Variants in RRP1B observed in about 807,000 individuals in gnomAD.
The protein encoded by RRP1B is ribosomal RNA processing protein 1 homolog B.
RRP1B carries 56 observed loss-of-function variants against 80.2 expected under a neutral mutation model. That is an observed-to-expected ratio of 0.70 (90% CI 0.56 to 0.87). The LOEUF (loss-of-function observed/expected upper bound fraction) is 0.87. Among genes scored for constraint, RRP1B ranks in the 40% least tolerant of loss-of-function variants. RRP1B has a pLI of 0.00. For synonymous variants in RRP1B, 351 were observed against 357.6 expected, an observed-to-expected ratio of 0.98 and a Z score of 0.21; for missense variants, 807 against 939.8, an observed-to-expected ratio of 0.86 and a Z score of 1.85.
Position 43,659,580 on chromosome 21 carries a change from C to CG in RRP1B, c.-83dup. On this transcript the variant is annotated 5_prime_UTR_variant, in exon 1 of 16. Coordinates refer to ENST00000340648, the MANE Select transcript of RRP1B (RefSeq NM_015056.3). The surrounding 1 kb of genome is among the most constrained non-coding windows in gnomAD (Gnocchi z 4.2). The stretch of plus-strand genomic sequence containing the variant: ...GCCTTCTGTGCAGTCGCGGCCCGGG[C>CG]GGACGGTGGCTGGCTGCTCCGCAGC... 1 of 1,253,032 alleles carries CG rather than the reference C, an allele frequency of 8.0e-7. No individual in the cohort carries two copies. The highest frequency in any genetic ancestry group is 1.6e-5 in the African/African-American group (1 of 63,322). The allele number at this position is 1,253,032 out of a possible 1,614,324, so 77.6% of individuals were successfully genotyped here. A position where few individuals can be genotyped will look rare whatever the true frequency, so the allele number is the denominator to read the frequency against.
rs1337665045 is a variant in RRP1B at position 43,691,792 on chromosome 21, G to A, written c.2083+290G>A. On this transcript the variant is annotated intron_variant, in intron 15 of 15. Transcript: ENST00000340648. The surrounding 1 kb of genome is among the most constrained non-coding windows in gnomAD (Gnocchi z 4.2). ...GTAGCGGGTAGCTGGGATCACAGGT[G>A]CACGCCATCACATCCAGCTAATTTT... is the stretch of plus-strand genomic sequence containing the variant. Among the ~76,000 whole-genome samples the A allele has an allele frequency of 6.6e-6, 1 of 152,042 alleles. No individual in the cohort carries two copies. The highest frequency in any genetic ancestry group is 1.5e-5 in the Non-Finnish European group (1 of 67,990).
At position 43,685,730 on chromosome 21, in the gene RRP1B, T is replaced by C. The variant is rs1478469839; in HGVS notation, c.990-40T>C. 7 of 1,363,960 alleles carry C rather than the reference T, an allele frequency of 5.1e-6. No homozygotes were observed. In the East Asian group the frequency reaches 1.8e-4, roughly 35 times the overall value. The allele number at this position is 1,363,960 out of a possible 1,614,324, so 84.5% of individuals were successfully genotyped here. On this transcript the variant is annotated intron_variant, in intron 10 of 15. Transcript: ENST00000340648. ...GAAGGGATTTCTTTATGAACATTTG[T>C]TATTTTTTTATTTTTTATTTTTTAT...
Position 43,676,329 on chromosome 21 carries a change from A to G in RRP1B, c.607A>G (p.Thr203Ala). ...IDPFCKIAAK[T>A]KDHTLVQTIA... ...TCCATTCTGCAAAATTGCTGCGAAG[A>G]CGAAGGAGTAAGTGATTCCCCTGTT... is the stretch of plus-strand genomic sequence containing the variant. The change falls in exon 7 of 16, where the codon ACG (threonine) becomes GCG (alanine). Residue 203 changes from threonine to alanine, a missense_variant. Transcript: ENST00000340648. The G allele has an allele frequency of 1.2e-6, 2 of 1,610,362 alleles. No homozygotes were observed. Among genetic ancestry groups the G allele is most frequent in the Non-Finnish European group, 1.7e-6 (2 of 1,176,846 alleles).
chr21:43,667,499 G>C (rs1000153507), intron 1 of RRP1B, among the ~76,000 whole-genome samples: 1 of 152,120 alleles, frequency 6.6e-6, no homozygotes, highest in Non-Finnish European at 1.5e-5. Context: ...GGGTTTTGCT[G>C]TGTTGCCCAG....
chr21:43,690,297 G>A lies in RRP1B; in HGVS notation c.1876G>A (p.Gly626Arg). ...AGQPQALGSS[G>R]TCSSLKKQKL... ...CCCCTCGCTCACGTAGGGAAGCAGT[G>A]GGACTTGCAGTTCCCTGAAGAAGCA... The change falls in exon 14 of 16, where the codon GGG (glycine) becomes AGG (arginine). Residue 626 changes from glycine to arginine, a missense_variant. Transcript: ENST00000340648. The A allele has an allele frequency of 1.2e-6, 2 of 1,614,226 alleles. No homozygotes were observed. Among genetic ancestry groups the A allele is most frequent in the Non-Finnish European group, 1.7e-6 (2 of 1,180,022 alleles).
At position 43,669,929 on chromosome 21, in the gene RRP1B, TCTA is replaced by T. The variant is rs773336104; in HGVS notation, c.179_181del (p.Tyr60del). 3 of 1,613,398 alleles carry T rather than the reference TCTA, an allele frequency of 1.9e-6. No individual in the cohort carries two copies. Among genetic ancestry groups the T allele is most frequent in the Non-Finnish European group, 2.5e-6 (3 of 1,179,428 alleles). On this transcript the variant is annotated inframe_deletion, in exon 2 of 16. Transcript: ENST00000340648. ...CTTCTGAAAATCTGGAAGGGGCTCT[TCTA>T]CTGCATGTGGGTGCAGGATGAACCC...
chr21:43,676,785 C>G lies in RRP1B; in HGVS notation c.667C>G (p.Gln223Glu), dbSNP rs780109027. ...ARGVFEAIVDQSPFVPEETME... is the reference protein window; with the variant it reads ...ARGVFEAIVDESPFVPEETME... ...GGGTGTCTTCGAAGCTATCGTAGAT[C>G]AGTCTCCTTTTGTGCCTGAAGAGAC... is the stretch of plus-strand genomic sequence containing the variant. Residue 223 changes from glutamine (Q) to glutamate (E), a missense_variant, in exon 8 of 16, where the codon CAG (glutamine) becomes GAG (glutamate). Physicochemically the swap from Gln to Glu is conservative, Grantham distance 29. Transcript: ENST00000340648. 1 of 1,614,138 alleles carries G rather than the reference C, an allele frequency of 6.2e-7. No individual in the cohort carries two copies. The highest frequency in any genetic ancestry group is 8.5e-7 in the Non-Finnish European group (1 of 1,180,064).
chr21:43,685,400 G>A (rs924308517), intron 10 of RRP1B, among the ~76,000 whole-genome samples: 15 of 152,326 alleles, frequency 9.8e-5, no homozygotes, highest in African/African-American at 1.7e-4. Context: ...ACATGGCTTC[G>A]CCTTTCTCCA....
In RRP1B at chr21:43,662,559, C is replaced by G. The variant is rs114831988; in HGVS notation, c.130+2765C>G. On this transcript the variant is annotated intron_variant, in intron 1 of 15. Coordinates refer to ENST00000340648, the MANE Select transcript of RRP1B (RefSeq NM_015056.3). ...AAAGGAAATGTGAGCTATCACTCTT[C>G]CTGAAACATGAGCTGTTCTGCAGCA... 5.6e-3 allele frequency among the ~76,000 whole-genome samples: 858 copies of G among 152,342 alleles called. 10 individuals carry two copies. Among genetic ancestry groups the G allele is most frequent in the African/African-American group, 0.019 (809 of 41,568 alleles).
At chr21:43,675,273 A>G in intron 6 of RRP1B, 110 bp downstream of exon 6, 1 of 1,002,996 alleles carries the variant, frequency 1.0e-6, no homozygotes, top group Non-Finnish European at 1.5e-6. Context: ...CGACTGTAGC[A>G]GCGTGAATTG....
At chr21:43,679,444 T>C (rs890601110) in intron 8 of RRP1B, among the ~76,000 whole-genome samples, 12 of 152,088 alleles carry the variant, frequency 7.9e-5, no homozygotes, top group Non-Finnish European at 1.5e-4. Context: ...AATATGTCTT[T>C]GTATTTTTAG....
Position 43,691,611 on chromosome 21 carries a change from T to TCC in RRP1B, c.2083+110_2083+111dup, listed in dbSNP as rs1178935896. On this transcript the variant is annotated intron_variant, in intron 15 of 15. Coordinates refer to ENST00000340648, the MANE Select transcript of RRP1B (RefSeq NM_015056.3). The surrounding 1 kb of genome is among the most constrained non-coding windows in gnomAD (Gnocchi z 4.2). ...GGTCGGGGAAGAGGGGGGTCCTAGCTCCTCACTGCCCATTTCTTTATTTTT... is the reference window on the plus strand; with the variant it reads ...GGTCGGGGAAGAGGGGGGTCCTAGCTCCCCTCACTGCCCATTTCTTTATTTTT... 4 of 800,184 alleles carry TCC rather than the reference T, an allele frequency of 5.0e-6. No homozygotes were observed. Among genetic ancestry groups the TCC allele is most frequent in the African/African-American group, 3.5e-5 (2 of 56,996 alleles). The allele number at this position is 800,184 out of a possible 1,614,324, so 49.6% of individuals were successfully genotyped here. A position where few individuals can be genotyped will look rare whatever the true frequency, so the allele number is the denominator to read the frequency against.
chr21:43,662,018 A>G (rs1033999879), intron 1 of RRP1B, among the ~76,000 whole-genome samples: 2 of 152,340 alleles, frequency 1.3e-5, no homozygotes, highest in Admixed American at 1.3e-4. Context: ...ATTGCTTCTT[A>G]ATTATCAATG....
At chr21:43,675,697 G>GT (rs2083018950) in intron 6 of RRP1B, among the ~76,000 whole-genome samples, 1 of 152,128 alleles carries the variant, frequency 6.6e-6, no homozygotes, top group Admixed American at 6.5e-5. Context: ...CACTGTCCCT[G>GT]TTACCCCTCT....
rs114295058 is a variant in RRP1B, at chr21:43,686,691, C to T, written c.1010-113C>T. 2.0e-3 allele frequency: 2,520 copies of T among 1,238,638 alleles called. 30 individuals carry two copies. The African/African-American group carries it at 0.028, about 14-fold the overall frequency. The allele number at this position is 1,238,638 out of a possible 1,614,324, so 76.7% of individuals were successfully genotyped here. ...AGCGCTCAGGTTTGGGTGGGAGAAA[C>T]GGTGAGGAACGATGATGATGAGGCA... On this transcript the variant is annotated intron_variant, in intron 11 of 15. Transcript: ENST00000340648.
At chr21:43,661,513 A>G (rs1393487458) in intron 1 of RRP1B, among the ~76,000 whole-genome samples, 1 of 151,426 alleles carries the variant, frequency 6.6e-6, no homozygotes, top group Non-Finnish European at 1.5e-5. Flanking sequence ...CAGTGGGAGG[A>G]CCCCCGTCCT....
chr21:43,666,914 A>G (rs1481388837), intron 1 of RRP1B, among the ~76,000 whole-genome samples: 1 of 152,144 alleles, frequency 6.6e-6, no homozygotes, highest in East Asian at 1.9e-4. Flanking sequence ...CATAGGTCAT[A>G]TGCCTTGTAG....
Position 43,687,909 on chromosome 21 carries a change from G to A in RRP1B, c.1535G>A (p.Gly512Glu), listed in dbSNP as rs760808297. Residue 512 changes from glycine to glutamate, a missense_variant, in exon 13 of 16, where the codon GGG becomes GAG. Gly to Glu is a moderately conservative substitution (Grantham distance 98). Coordinates refer to ENST00000340648, the MANE Select transcript of RRP1B (RefSeq NM_015056.3). ...PSGSHPQGPR[G>E]SPTGGAQLLK... The stretch of plus-strand genomic sequence containing the variant: ...GGCAGTCATCCTCAGGGACCTAGAG[G>A]GTCCCCGACAGGTGGAGCCCAACTC... 2 of 1,613,144 alleles carry A rather than the reference G, an allele frequency of 1.2e-6. No individual in the cohort carries two copies. The highest frequency in any genetic ancestry group is 1.3e-5 in the African/African-American group (1 of 74,952).
At chr21:43,674,803 C>T (rs1218886566) in intron 5 of RRP1B, 106 bp downstream of exon 5, 11 of 1,094,470 alleles carry the variant, frequency 1.0e-5, no homozygotes, top group African/African-American at 3.2e-5. Context: ...CTCGATACAT[C>T]GTTACCTATA....
Sources: gnomAD v4.1 joint callset for allele counts (sites outside exome capture counted in the v4.1 genomes callset) on GRCh38, gnomAD v4.1.1 for gene constraint, Gnocchi (gnomAD v3.1) non-coding constraint, MANE v1.5 for transcripts, NCBI Gene and HGNC (gene_info 2026-07-23, HGNC 2026-07-21) for gene names.